TENM4: variants seen among roughly 807,000 people sequenced by gnomAD.
TENM4 encodes the protein teneurin-4.
In TENM4, 82 loss-of-function variants were observed where a neutral mutation model predicts 243.3. The observed-to-expected ratio is 0.34, with a 90% CI of 0.28 to 0.40. The LOEUF is 0.40. Ranked by LOEUF, TENM4 falls within the 10% of genes least tolerant of loss-of-function variation. The probability of loss-of-function intolerance (pLI) is 1.00; values close to 1 mark genes in which losing one functional copy is unlikely to be tolerated. For missense variants in TENM4, 3,138 were observed against 3,673.3 expected, an observed-to-expected ratio of 0.85 and a Z score of 3.77; for synonymous variants, 1,412 against 1,456.3, an observed-to-expected ratio of 0.97 and a Z score of 0.69.
intron 4 of TENM4, among the ~76,000 whole-genome samples, chr11:79,136,863 C>T (rs899394765): frequency 1.3e-5 from 2 of 152,168 alleles, no homozygotes; most frequent in Non-Finnish European, 2.9e-5. Flanking sequence ...CCTAAAGCAG[C>T]TGGATTGATA....
At chr11:78,798,681 C>T (rs756063500) in intron 15 of TENM4, among the ~76,000 whole-genome samples, 99 of 152,044 alleles carry the variant, frequency 6.5e-4, no homozygotes, top group Non-Finnish European at 7.4e-4. Flanking sequence ...TGGACTGAGC[C>T]GCGACTGTCC....
At chr11:79,002,079 A>G (rs1858343864) in intron 6 of TENM4, among the ~76,000 whole-genome samples, 1 of 151,704 alleles carries the variant, frequency 6.6e-6, no homozygotes, top group South Asian at 2.1e-4. Context: ...AGCTGGCATG[A>G]GCACACCCTG....
At chr11:78,760,712 C>G (rs973038271) in intron 18 of TENM4, among the ~76,000 whole-genome samples, 1 of 152,012 alleles carries the variant, frequency 6.6e-6, no homozygotes, top group Non-Finnish European at 1.5e-5. Flanking sequence ...GAATATCCTC[C>G]TCTCCCTTTC....
intron 10 of TENM4, among the ~76,000 whole-genome samples, chr11:78,856,478 T>C (rs1321040332): frequency 6.6e-6 from 1 of 152,206 alleles, no homozygotes; most frequent in African/African-American, 2.4e-5. Context: ...CTTGTTAAGA[T>C]ATATTTTGAT....
chr11:79,088,878 C>A (rs1303227646), intron 4 of TENM4, among the ~76,000 whole-genome samples: 1 of 152,174 alleles, frequency 6.6e-6, no homozygotes, highest in Non-Finnish European at 1.5e-5. Flanking sequence ...AGAGCAGGCA[C>A]CAGTTTTGAG....
intron 11 of TENM4, among the ~76,000 whole-genome samples, chr11:78,854,721 G>C (rs1464811728): frequency 6.6e-6 from 1 of 152,198 alleles, no homozygotes; most frequent in East Asian, 1.9e-4. Context: ...TTGGGGGGTG[G>C]TGGAGGGGAG....
intron 4 of TENM4, among the ~76,000 whole-genome samples, chr11:79,095,190 C>G (rs1446292504): frequency 1.3e-5 from 2 of 152,302 alleles, no homozygotes; most frequent in East Asian, 1.9e-4. Flanking sequence ...CTAGAGCCAG[C>G]CTTCACTCCT....
chr11:78,687,497 T>C (rs567383676), intron 29 of TENM4, among the ~76,000 whole-genome samples: 3 of 152,256 alleles, frequency 2.0e-5, no homozygotes, highest in Non-Finnish European at 2.9e-5. Flanking sequence ...CCACATCCCA[T>C]GAGAACAATT....
chr11:78,778,677 A>G, intron 16 of TENM4, 49 bp from the exon 17 acceptor site: 1 of 1,564,188 alleles, frequency 6.4e-7, no homozygotes, highest in Non-Finnish European at 8.8e-7. Flanking sequence ...AGTAAGTGCA[A>G]TATCGCCTGC....
chr11:78,848,272 T>C (rs750009964), intron 12 of TENM4, among the ~76,000 whole-genome samples: 2 of 152,124 alleles, frequency 1.3e-5, no homozygotes, highest in African/African-American at 2.4e-5. Flanking sequence ...AATCATTTTA[T>C]TCCCTTGCTC....
At chr11:79,191,626 C>T (rs1176604962) in intron 3 of TENM4, 2 of 185,120 alleles carry the variant, frequency 1.1e-5, no homozygotes, top group East Asian at 3.7e-4. Flanking sequence ...CCTGGCTGCC[C>T]AGTCTGGAAA....
chr11:78,818,850 T>A (rs1857663913), intron 12 of TENM4, among the ~76,000 whole-genome samples: 1 of 152,016 alleles, frequency 6.6e-6, no homozygotes, highest in African/African-American at 2.4e-5. Context: ...TGGATCCAAA[T>A]TAAAAATTCA....
intron 6 of TENM4, among the ~76,000 whole-genome samples, chr11:78,972,542 TG>T (rs1857569799): frequency 6.6e-6 from 1 of 152,164 alleles, no homozygotes; most frequent in Non-Finnish European, 1.5e-5. Context: ...GCTGGTCTCC[TG>T]AATATCAAGA....
chr11:78,771,238 C>G, intron 17 of TENM4, 100 bp from the exon 18 acceptor site: 1 of 1,431,900 alleles, frequency 7.0e-7, no homozygotes, highest in East Asian at 2.5e-5. Flanking sequence ...GCCTTCATAT[C>G]CATCAGCACA....
At chr11:78,937,862 G>C (rs1856819153) in intron 6 of TENM4, among the ~76,000 whole-genome samples, 1 of 152,158 alleles carries the variant, frequency 6.6e-6, no homozygotes, top group African/African-American at 2.4e-5. Flanking sequence ...TGTCTACAAA[G>C]CTAACCTCCT....
At chr11:79,334,861 C>A (rs1479182784) in intron 1 of TENM4, among the ~76,000 whole-genome samples, 1 of 152,154 alleles carries the variant, frequency 6.6e-6, no homozygotes, top group African/African-American at 2.4e-5. Context: ...TGAATAACAC[C>A]TAAGGGAAAG....
intron 1 of TENM4, among the ~76,000 whole-genome samples, chr11:79,299,644 G>A (rs1047780675): frequency 1.3e-5 from 2 of 152,120 alleles, no homozygotes; most frequent in Non-Finnish European, 2.9e-5. Context: ...TTTCTTCAAC[G>A]ATCCAAAATA....
intron 6 of TENM4, among the ~76,000 whole-genome samples, chr11:78,909,616 C>G (rs1945253): frequency 6.2e-4 from 94 of 152,230 alleles, no homozygotes; most frequent in Non-Finnish European, 1.1e-3. Context: ...GCATACGCCA[C>G]AGCCCCAGGG....
intron 2 of TENM4, among the ~76,000 whole-genome samples, chr11:79,276,531 G>A (rs961633662): frequency 6.6e-6 from 1 of 152,198 alleles, no homozygotes; most frequent in Non-Finnish European, 1.5e-5. Flanking sequence ...GATACATCCG[G>A]CATGCATCTT....
Sources: gnomAD v4.1 joint callset for allele counts (sites outside exome capture counted in the v4.1 genomes callset) on GRCh38, gnomAD v4.1.1 for gene constraint, MANE v1.5 for transcripts, NCBI Gene and HGNC (gene_info 2026-07-23, HGNC 2026-07-21) for gene names.